The following MTFR1 variants were observed in gnomAD, a reference collection of about 807,000 sequenced individuals.
MTFR1 encodes the protein chondrocyte protein with a poly-proline region.
Under a neutral mutation model 38.8 loss-of-function variants are expected in MTFR1, and 28 were observed. That is an observed-to-expected ratio of 0.72 (90% CI 0.53 to 0.99). MTFR1 has a LOEUF of 0.99. MTFR1 is among the 50% of genes least tolerant of loss of function. The pLI, the probability that MTFR1 is intolerant of heterozygous loss-of-function variation, is 0.00. For missense variants in MTFR1, 358 were observed against 395.5 expected, an observed-to-expected ratio of 0.91 and a Z score of 0.81; for synonymous variants, 145 against 137.0, an observed-to-expected ratio of 1.06 and a Z score of -0.41.
chr8:65,772,731 C>T (rs113276850), downstream of MTFR1, among the ~76,000 whole-genome samples: 3,592 of 152,216 alleles, frequency 0.024, 65 homozygotes, highest in African/African-American at 0.055. Context: ...TGGCCAGGTG[C>T]GGTGGTTCAT....
chr8:65,660,434 A>G (rs1809380731), intron 1 of MTFR1, among the ~76,000 whole-genome samples: 1 of 152,058 alleles, frequency 6.6e-6, no homozygotes. Context: ...TCTGGAAGAG[A>G]TTAGCATTTG....
At chr8:65,773,600 C>G (rs936289616), downstream of MTFR1, among the ~76,000 whole-genome samples, 5 of 152,130 alleles carry the variant, frequency 3.3e-5, no homozygotes, top group South Asian at 2.1e-4. Flanking sequence ...CATTTATTAT[C>G]CAATTTGACC....
chr8:65,723,476 A>T (rs758776714), intron 3 of MTFR1: 3 of 1,306,688 alleles, frequency 2.3e-6, no homozygotes, highest in East Asian at 5.6e-5. Flanking sequence ...TTTCAAATAT[A>T]TTTCCCTTCT....
At chr8:65,685,312 T>C (rs1805039668) in intron 3 of MTFR1, among the ~76,000 whole-genome samples, 1 of 152,230 alleles carries the variant, frequency 6.6e-6, no homozygotes, top group Non-Finnish European at 1.5e-5. Flanking sequence ...ATCATTATAC[T>C]GAGACCATAT....
intron 1 of MTFR1, among the ~76,000 whole-genome samples, chr8:65,661,986 G>C (rs934667819): frequency 2.0e-5 from 3 of 147,872 alleles, no homozygotes; most frequent in Admixed American, 7.0e-5. Flanking sequence ...CAAACAAAAA[G>C]AGCAAAAGCC....
chr8:65,715,366 T>C (rs1405791023), downstream of MTFR1, among the ~76,000 whole-genome samples: 1 of 151,106 alleles, frequency 6.6e-6, no homozygotes, highest in Middle Eastern at 3.4e-3. Flanking sequence ...AGAGACCCTG[T>C]CTCTATAAAA....
chr8:65,743,992 C>A (rs1341870093), intron 3 of MTFR1, among the ~76,000 whole-genome samples: 2 of 152,144 alleles, frequency 1.3e-5, no homozygotes, highest in African/African-American at 4.8e-5. Context: ...ACCACCACAC[C>A]CAGCCAATGT....
rs959699239 is a variant in MTFR1, at chr8:65,709,287, C to T, written c.*243C>T. On this transcript the variant is annotated 3_prime_UTR_variant, in exon 8 of 8. Coordinates refer to ENST00000262146, the MANE Select transcript of MTFR1 (RefSeq NM_014637.4). ...ACATGTTTCTAATATGTGGCCAGGG[C>T]GTTCAGATTTCCAGTTTTGAAAACA... is the stretch of plus-strand genomic sequence containing the variant. 1.0e-4 allele frequency: 42 copies of T among 415,830 alleles called. No homozygotes were observed. The Admixed American group carries it at 1.4e-3, about 13-fold the overall frequency. The allele number at this position is 415,830 out of a possible 1,614,324, so 25.8% of individuals were successfully genotyped here.
chr8:65,762,451 G>T (rs1034603287), intron 3 of MTFR1, among the ~76,000 whole-genome samples: 4 of 152,176 alleles, frequency 2.6e-5, no homozygotes, highest in African/African-American at 9.7e-5. Context: ...AAGTACATGA[G>T]AACACAGGGG....
At chr8:65,662,842 C>T (rs1809480775) in intron 1 of MTFR1, among the ~76,000 whole-genome samples, 1 of 151,552 alleles carries the variant, frequency 6.6e-6, no homozygotes, top group South Asian at 2.1e-4. Context: ...CCATCCACCT[C>T]GTCCGGAAGG....
chr8:65,667,346 G>GTT (rs146242871), intron 1 of MTFR1, among the ~76,000 whole-genome samples: 25,598 of 144,902 alleles, frequency 0.18, 2,493 homozygotes, highest in Middle Eastern at 0.24. Flanking sequence ...TGTGTATACT[G>GTT]TTTTTTTTTT....
At chr8:65,762,254 G>A (rs1036238428) in intron 3 of MTFR1, among the ~76,000 whole-genome samples, 3 of 152,090 alleles carry the variant, frequency 2.0e-5, no homozygotes, top group African/African-American at 7.2e-5. Flanking sequence ...AAAAGAACAG[G>A]AGTGGTATCT....
chr8:65,745,468 A>G (rs1319400163), intron 3 of MTFR1: 2 of 1,534,710 alleles, frequency 1.3e-6, no homozygotes, highest in Admixed American at 3.3e-5. Flanking sequence ...TTTCCAGCAT[A>G]CACTGAAATG....
intron 3 of MTFR1, among the ~76,000 whole-genome samples, chr8:65,691,327 G>A (rs138560889): frequency 3.9e-5 from 6 of 152,214 alleles, no homozygotes; most frequent in East Asian, 1.9e-4. Flanking sequence ...TCACTCTGTT[G>A]CCCGGGCTGG....
intron 1 of MTFR1, among the ~76,000 whole-genome samples, chr8:65,659,939 C>T (rs1809365875): frequency 6.6e-6 from 1 of 152,096 alleles, no homozygotes; most frequent in Admixed American, 6.6e-5. Context: ...CTAGCCGACA[C>T]TTAAGAAACA....
At chr8:65,706,832 T>A (rs1805792665) in intron 5 of MTFR1, among the ~76,000 whole-genome samples, 178 bp from the exon 6 acceptor site, 1 of 152,236 alleles carries the variant, frequency 6.6e-6, no homozygotes, top group Admixed American at 6.5e-5. Flanking sequence ...ATACAGTGGC[T>A]GAGATTCAGG....
At chr8:65,713,305 G>T (rs1308304254), downstream of MTFR1, among the ~76,000 whole-genome samples, 1 of 152,056 alleles carries the variant, frequency 6.6e-6, no homozygotes, top group East Asian at 1.9e-4. Context: ...GCCAGGCGTG[G>T]TGGTGCACAC....
chr8:65,704,146 A>G (rs1163873281), intron 4 of MTFR1, among the ~76,000 whole-genome samples: 1 of 152,216 alleles, frequency 6.6e-6, no homozygotes, highest in Admixed American at 6.5e-5. Flanking sequence ...TTAAAGACAG[A>G]AAAGTAGTAT....
chr8:65,729,742 G>A (rs1189402981), intron 3 of MTFR1, among the ~76,000 whole-genome samples: 1 of 148,378 alleles, frequency 6.7e-6, no homozygotes, highest in African/African-American at 2.5e-5. Flanking sequence ...TTTTTTTTTG[G>A]TACTTTTATA....
Sources: allele counts gnomAD v4.1 joint callset (sites outside exome capture counted in the v4.1 genomes callset), GRCh38; gene constraint gnomAD v4.1.1; transcripts MANE v1.5; gene names NCBI Gene and HGNC (gene_info 2026-07-23, HGNC 2026-07-21).